Variants in ADAM7 observed in about 807,000 individuals in gnomAD.
ADAM7 encodes ADAM metallopeptidase domain 7, also known as disintegrin and metalloproteinase domain-containing protein 7.
ADAM7 carries 97 observed loss-of-function variants against 102.9 expected under a neutral mutation model. The observed-to-expected ratio is 0.94, with a 90% CI of 0.80 to 1.12. ADAM7 has a LOEUF of 1.12. ADAM7 is among the 50% of genes most tolerant of loss of function. The pLI is 0.00. For synonymous variants in ADAM7, 334 were observed against 304.4 expected (o/e 1.10, Z -1.01); for missense variants, 991 against 908.7 (o/e 1.09, Z -1.16).
At chr8:24,455,304 T>C (rs1269813924) in intron 3 of ADAM7, among the ~76,000 whole-genome samples, 1 of 152,180 alleles carries the variant, frequency 6.6e-6, no homozygotes, top group Non-Finnish European at 1.5e-5. Context: ...CATCAATCCA[T>C]TCATCCTCCA....
chr8:24,465,732 G>C lies in ADAM7; in HGVS notation c.346G>C (p.Glu116Gln). 1 of 1,610,654 alleles carries C rather than the reference G, an allele frequency of 6.2e-7. No individual in the cohort carries two copies. Among genetic ancestry groups the C allele is most frequent in the South Asian group, 1.1e-5 (1 of 90,290 alleles). The part of the protein sequence containing the change: ...HCFYQGSIVH[E>Q]YDSAASISTC... ...TTTTTACCAAGGATCCATAGTACAC[G>C]AATATGATTCAGCTGCCAGTATCAG... Residue 116 changes from glutamate (E) to glutamine (Q), a missense_variant, in exon 5 of 22, where the codon GAA (glutamate) becomes CAA (glutamine). Coordinates refer to ENST00000175238, the MANE Select transcript of ADAM7 (RefSeq NM_003817.4).
At chr8:24,450,112 A>G (rs1818724606) in intron 3 of ADAM7, among the ~76,000 whole-genome samples, 1 of 152,180 alleles carries the variant, frequency 6.6e-6, no homozygotes, top group Admixed American at 6.5e-5. Flanking sequence ...CTTTTGGCTT[A>G]GGATTGACTT....
chr8:24,470,591 A>G (rs1585883681), intron 7 of ADAM7, among the ~76,000 whole-genome samples: 1 of 152,268 alleles, frequency 6.6e-6, no homozygotes, highest in East Asian at 1.9e-4. Context: ...ACATATATGA[A>G]AGTGGTTCCA....
In ADAM7 at chr8:24,480,396, G is replaced by A. The variant is rs1009886221; in HGVS notation, c.706-1746G>A. ...TATCCTTCACAGAGCCCATACTCACGTTATTTCACTGGGTCCTTTCTTATT... is the reference window on the plus strand; with the variant it reads ...TATCCTTCACAGAGCCCATACTCACATTATTTCACTGGGTCCTTTCTTATT... On this transcript the variant is annotated intron_variant, in intron 8 of 21. Transcript: ENST00000175238. Among the ~76,000 whole-genome samples the A allele has an allele frequency of 9.2e-5, 14 of 152,032 alleles. No individual in the cohort carries two copies. In the South Asian group the frequency reaches 1.2e-3, roughly 13 times the overall value.
At chr8:24,479,070 T>G (rs1284368171) in intron 8 of ADAM7, among the ~76,000 whole-genome samples, 1 of 152,074 alleles carries the variant, frequency 6.6e-6, no homozygotes, top group Non-Finnish European at 1.5e-5. Context: ...ACTTTAGGCT[T>G]TTATTGAGAG....
chr8:24,507,916 G>A (rs1198448152), intron 21 of ADAM7, among the ~76,000 whole-genome samples: 1 of 152,068 alleles, frequency 6.6e-6, no homozygotes, highest in Non-Finnish European at 1.5e-5. Context: ...CACAGAAAAG[G>A]AACAGTTTCC....
At chr8:24,466,695 A>AAGC (rs1819436907) in intron 5 of ADAM7, 104 bp from the exon 6 acceptor site, 1 of 1,014,794 alleles carries the variant, frequency 9.9e-7, no homozygotes, top group African/African-American at 1.6e-5. Context: ...CCTGTTCATG[A>AAGC]AGCACTGGCT....
Position 24,447,092 on chromosome 8 carries a change from T to C in ADAM7, c.157-94T>C, listed in dbSNP as rs1563371470. 10 of 570,516 alleles carry C rather than the reference T, an allele frequency of 1.8e-5. No individual in the cohort carries two copies. The East Asian group carries it at 2.4e-4, about 14-fold the overall frequency. 35.3% of individuals were successfully genotyped at this position (570,516 alleles called of 1,614,324 possible). On this transcript the variant is annotated intron_variant, in intron 2 of 21. Coordinates refer to ENST00000175238, the MANE Select transcript of ADAM7 (RefSeq NM_003817.4). ...TTGGCTGAAAGGACTGCTGGGTGGA[T>C]TGGAGATAGGGAACATTCACCCAAA...
chr8:24,451,578 T>G (rs1369911907), intron 3 of ADAM7, among the ~76,000 whole-genome samples: 2 of 152,302 alleles, frequency 1.3e-5, no homozygotes, highest in Admixed American at 6.5e-5. Context: ...CTAACAATTT[T>G]GTTGATCCTT....
chr8:24,505,382 TG>T (rs1315376538), intron 20 of ADAM7, among the ~76,000 whole-genome samples: 1 of 152,162 alleles, frequency 6.6e-6, no homozygotes, highest in Non-Finnish European at 1.5e-5. Flanking sequence ...GTTGAATATG[TG>T]AATAAATTCA....
chr8:24,456,068 A>G (rs183357363), intron 3 of ADAM7, among the ~76,000 whole-genome samples: 1 of 152,250 alleles, frequency 6.6e-6, no homozygotes, highest in African/African-American at 2.4e-5. Context: ...GTAAAACTCA[A>G]ACTAACTTAC....
At position 24,457,203 on chromosome 8, in the gene ADAM7, C is replaced by T. The variant is rs1244058696; in HGVS notation, c.234-6679C>T. Among the ~76,000 whole-genome samples the T allele has an allele frequency of 3.3e-5, 5 of 152,150 alleles. No homozygotes were observed. The South Asian group carries it at 8.3e-4, about 25-fold the overall frequency. Reference sequence around the variant, plus strand: ...TGTTTCCTGTTGAAAACTTTATGTGCTTATTTGATCATTTGTATATCTTTT... The same window carrying T: ...TGTTTCCTGTTGAAAACTTTATGTGTTTATTTGATCATTTGTATATCTTTT... On this transcript the variant is annotated intron_variant, in intron 3 of 21. Coordinates refer to ENST00000175238, the MANE Select transcript of ADAM7 (RefSeq NM_003817.4).
chr8:24,506,240 C>T lies in ADAM7; in HGVS notation c.2209-1240C>T, dbSNP rs117180314. ...CATGAAACTTAATCATTTGTTGGTT[C>T]CTTGAAAAGGACCAATAATATAACA... On this transcript the variant is annotated intron_variant, in intron 20 of 21. Coordinates refer to ENST00000175238, the MANE Select transcript of ADAM7 (RefSeq NM_003817.4). The T allele has an allele frequency of 1.8e-4, 206 of 1,143,718 alleles. 2 individuals are homozygous for T. In the South Asian group the frequency reaches 2.6e-3, roughly 15 times the overall value. The allele number at this position is 1,143,718 out of a possible 1,614,324, so 70.8% of individuals were successfully genotyped here. A position where few individuals can be genotyped will look rare whatever the true frequency, so the allele number is the denominator to read the frequency against.
At chr8:24,471,373 T>A (rs535037924) in intron 7 of ADAM7, among the ~76,000 whole-genome samples, 1 of 152,036 alleles carries the variant, frequency 6.6e-6, no homozygotes, top group Non-Finnish European at 1.5e-5. Flanking sequence ...TAGGCCTTTA[T>A]GTTCACTCAC....
intron 7 of ADAM7, chr8:24,475,921 A>C (rs1378012761): frequency 1.1e-5 from 5 of 456,358 alleles, no homozygotes; most frequent in African/African-American, 2.0e-5. Context: ...CCTCGTAGCT[A>C]TTTCCTGGAG....
rs564746667 is a variant in ADAM7, at chr8:24,463,387, C to T, written c.234-495C>T. Among the ~76,000 whole-genome samples, 102 of 152,172 alleles carry T rather than the reference C, an allele frequency of 6.7e-4. 1 individual carries two copies. The highest frequency in any genetic ancestry group is 2.4e-3 in the African/African-American group (99 of 41,518). Reference sequence around the variant, plus strand: ...AGACCACTGCAATGGTAGGGTCTTGCCATGGGGGAGAGAGATTGGGCTCAA... The same window carrying T: ...AGACCACTGCAATGGTAGGGTCTTGTCATGGGGGAGAGAGATTGGGCTCAA... On this transcript the variant is annotated intron_variant, in intron 3 of 21. Coordinates refer to ENST00000175238, the MANE Select transcript of ADAM7 (RefSeq NM_003817.4).
Position 24,482,148 on chromosome 8 carries a change from AAAACCTTAAACATCCATG to A in ADAM7, c.713_730del (p.Lys238_Val244delinsMet). 6.3e-7 allele frequency: 1 copy of A among 1,579,210 alleles called. No homozygotes were observed. Among genetic ancestry groups the A allele is most frequent in the Non-Finnish European group, 8.6e-7 (1 of 1,169,274 alleles). ...TGATTTCTTCTTTGAACAGATTTAT[AAAACCTTAAACATCCATG>A]TGACGTTGGTTGGCATTGAAATATG... is the stretch of plus-strand genomic sequence containing the variant. On this transcript the variant is annotated inframe_deletion, in exon 9 of 22. Coordinates refer to ENST00000175238, the MANE Select transcript of ADAM7 (RefSeq NM_003817.4).
At chr8:24,464,016 AT>A in intron 4 of ADAM7, 56 bp downstream of exon 4, 3 of 1,484,136 alleles carry the variant, frequency 2.0e-6, no homozygotes, top group Non-Finnish European at 2.8e-6. Context: ...TCCTGATGTG[AT>A]TTTGAAACCC....
chr8:24,447,562 G>A (rs1818607598), intron 3 of ADAM7, among the ~76,000 whole-genome samples: 1 of 152,110 alleles, frequency 6.6e-6, no homozygotes, highest in Non-Finnish European at 1.5e-5. Flanking sequence ...TTGGGAATCA[G>A]TGGAACAAAA....
Sources: allele counts gnomAD v4.1 joint callset (sites outside exome capture counted in the v4.1 genomes callset), GRCh38; gene constraint gnomAD v4.1.1; transcripts MANE v1.5; gene names NCBI Gene and HGNC (gene_info 2026-07-23, HGNC 2026-07-21).